LOXL2: variants seen among roughly 807,000 people sequenced by gnomAD.
LOXL2 encodes the protein lysyl oxidase homolog 2.
LOXL2 carries 70 observed loss-of-function variants against 93.0 expected under a neutral mutation model. The observed-to-expected ratio is 0.75, with a 90% CI of 0.62 to 0.92. LOXL2 has a LOEUF of 0.92. Among genes scored for constraint, LOXL2 ranks in the 40% least tolerant of loss-of-function variants. The pLI is 0.00. For missense variants in LOXL2, 973 were observed against 1,054.9 expected, an observed-to-expected ratio of 0.92 and a Z score of 1.08; for synonymous variants, 438 against 413.2, an observed-to-expected ratio of 1.06 and a Z score of -0.73.
intron 6 of LOXL2, among the ~76,000 whole-genome samples, chr8:23,324,752 T>G (rs1421011837): frequency 6.6e-6 from 1 of 152,180 alleles, no homozygotes; most frequent in Non-Finnish European, 1.5e-5. Flanking sequence ...TAGAGCAGTG[T>G]TACGGCTTCC....
At chr8:23,314,983 C>T (rs879622960) in intron 9 of LOXL2, among the ~76,000 whole-genome samples, 7 of 152,162 alleles carry the variant, frequency 4.6e-5, no homozygotes, top group Non-Finnish European at 5.9e-5. Flanking sequence ...GGCTGGACAA[C>T]ACAAGCCCCG....
chr8:23,340,922 G>A, intron 4 of LOXL2, 70 bp downstream of exon 4: 1 of 1,386,242 alleles, frequency 7.2e-7, no homozygotes, highest in South Asian at 1.2e-5. Flanking sequence ...CACCACCAGG[G>A]CGGACACTTT....
At chr8:23,303,248 T>G (rs1213419275) in intron 11 of LOXL2, 34 bp downstream of exon 11, 7 of 1,355,932 alleles carry the variant, frequency 5.2e-6, no homozygotes, top group Non-Finnish European at 7.4e-6. Context: ...CGAGTCCCTC[T>G]GAGGCCTCCC....
intron 5 of LOXL2, chr8:23,329,049 A>G (rs1453994899): frequency 5.9e-6 from 1 of 170,308 alleles, no homozygotes; most frequent in African/African-American, 2.4e-5. Context: ...GTTTGGATCA[A>G]CCTTGCTTAT....
At chr8:23,301,151 A>G (rs969901922) in intron 12 of LOXL2, among the ~76,000 whole-genome samples, 2 of 152,242 alleles carry the variant, frequency 1.3e-5, no homozygotes, top group Middle Eastern at 3.2e-3. Context: ...TCAAGGTGGA[A>G]TGACACATTT....
chr8:23,386,611 C>T (rs1804764459), intron 1 of LOXL2, among the ~76,000 whole-genome samples: 1 of 152,110 alleles, frequency 6.6e-6, no homozygotes, highest in Non-Finnish European at 1.5e-5. Context: ...GGAGATACCA[C>T]AGTGGGGAGA....
intron 3 of LOXL2, among the ~76,000 whole-genome samples, chr8:23,348,175 A>G (rs1457983765): frequency 6.8e-6 from 1 of 147,760 alleles, no homozygotes; most frequent in Non-Finnish European, 1.5e-5. Context: ...CAAACACCGC[A>G]TGTTCTCACG....
intron 1 of LOXL2, among the ~76,000 whole-genome samples, chr8:23,391,267 T>A (rs1804840039): frequency 1.3e-5 from 2 of 152,148 alleles, no homozygotes; most frequent in African/African-American, 4.8e-5. Context: ...ACAAGAGACA[T>A]GGTTTGACTA....
chr8:23,403,512 A>G lies in LOXL2; in HGVS notation c.-84+442T>C, dbSNP rs186274253. ...CAGCACGCTCTACATCCCCAAAACC[A>G]CAGCCCCGAGGGCAGTCACTGTCTC... On this transcript the variant is annotated intron_variant, in intron 1 of 13. Coordinates refer to ENST00000389131, the MANE Select transcript of LOXL2 (RefSeq NM_002318.3). 1.3e-4 allele frequency among the ~76,000 whole-genome samples: 19 copies of G among 151,538 alleles called. 1 individual carries two copies. In the East Asian group the frequency reaches 3.3e-3, roughly 27 times the overall value.
At chr8:23,329,277 G>A (rs572948085) in intron 5 of LOXL2, among the ~76,000 whole-genome samples, 1 of 152,288 alleles carries the variant, frequency 6.6e-6, no homozygotes, top group East Asian at 1.9e-4. Context: ...CCCTCAATTT[G>A]ACTCCAAGTC....
chr8:23,394,396 G>GA (rs1159727066), intron 1 of LOXL2, among the ~76,000 whole-genome samples: 17,550 of 64,220 alleles, frequency 0.27, 1,769 homozygotes, highest in East Asian at 0.36. Flanking sequence ...CTGTCTCAGA[G>GA]AAAAAAAAAA....
At chr8:23,349,719 C>A (rs1331368279) in intron 3 of LOXL2, among the ~76,000 whole-genome samples, 5 of 152,012 alleles carry the variant, frequency 3.3e-5, no homozygotes, top group Admixed American at 1.3e-4. Context: ...CCCCTAAGGG[C>A]AAAACTGTGC....
intron 7 of LOXL2, 94 bp downstream of exon 7, chr8:23,322,036 G>T: frequency 7.5e-7 from 1 of 1,341,222 alleles, no homozygotes; most frequent in Non-Finnish European, 1.0e-6. Flanking sequence ...ACTAGCAGCA[G>T]CACCTGGTCA....
Position 23,366,600 on chromosome 8 carries a change from C to T in LOXL2, c.355+1397G>A, listed in dbSNP as rs116450152. On this transcript the variant is annotated intron_variant, in intron 2 of 13. Coordinates refer to ENST00000389131, the MANE Select transcript of LOXL2 (RefSeq NM_002318.3). ...CTAGATTATGGTGGGTTGAGGTCTG[C>T]GCTATTCTGTACTTTTAAGCTCCCT... Among the ~76,000 whole-genome samples, 1,019 of 152,310 alleles carry T rather than the reference C, an allele frequency of 6.7e-3. 10 individuals carry two copies. The highest frequency in any genetic ancestry group is 0.023 in the African/African-American group (975 of 41,560).
At position 23,309,660 on chromosome 8, in the gene LOXL2, A is replaced by G. The variant is rs1803290406; in HGVS notation, c.1880+8T>C. ...AGCTTAGTGGGGAGGGTGGCCAGCCAGGCCTACCTGTGACAGTCGTGCCAG... is the reference window on the plus strand; with the variant it reads ...AGCTTAGTGGGGAGGGTGGCCAGCCGGGCCTACCTGTGACAGTCGTGCCAG... On this transcript the variant is annotated splice_region_variant and intron_variant, in intron 10 of 13. Coordinates refer to ENST00000389131, the MANE Select transcript of LOXL2 (RefSeq NM_002318.3). The G allele has an allele frequency of 7.0e-7, 1 of 1,428,564 alleles. No individual in the cohort carries two copies. The highest frequency in any genetic ancestry group is 1.5e-5 in the African/African-American group (1 of 68,832). 88.5% of individuals were successfully genotyped at this position (1,428,564 alleles called of 1,614,324 possible).
intron 6 of LOXL2, 46 bp downstream of exon 6, chr8:23,328,336 C>G: frequency 6.3e-7 from 1 of 1,597,192 alleles, no homozygotes. Flanking sequence ...CTCACGGCAC[C>G]ATGCTCCCAG....
chr8:23,316,936 G>A lies in LOXL2; in HGVS notation c.1636+13C>T, dbSNP rs370168554. The A allele has an allele frequency of 5.1e-6, 8 of 1,575,668 alleles. No individual in the cohort carries two copies. The African/African-American group carries it at 5.4e-5, about 11-fold the overall frequency. The stretch of plus-strand genomic sequence containing the variant: ...TTGGGAGCCCGGTGGGGAGGGAGGG[G>A]AGGAGCTCTCACTTTCTGAGCAGGC... On this transcript the variant is annotated intron_variant, in intron 9 of 13. Transcript: ENST00000389131.
In LOXL2 at chr8:23,328,519, C is replaced by A. The variant is rs780199200; in HGVS notation, c.1013G>T (p.Arg338Leu). The A allele has an allele frequency of 6.2e-7, 1 of 1,614,068 alleles. No homozygotes were observed. The highest frequency in any genetic ancestry group is 1.3e-5 in the African/African-American group (1 of 75,044). The change falls in exon 6 of 14, where the codon CGC (arginine) becomes CTC (leucine). Residue 338 changes from arginine (R) to leucine (L), a missense_variant. By Grantham distance (102) the Arg-to-Leu change is moderately radical (BLOSUM62 -2). Transcript: ENST00000389131. ...TTCTCCATTTTTGAGCACCTCCACG[C>A]GGCCCTCCCCGATGTAGGCACCGCC... ...LRGGAYIGEG[R>L]VEVLKNGEWG...
chr8:23,325,035 T>G (rs1442740025), intron 6 of LOXL2, among the ~76,000 whole-genome samples: 2 of 152,162 alleles, frequency 1.3e-5, no homozygotes, highest in African/African-American at 4.8e-5. Flanking sequence ...ATTGAGCACT[T>G]GAAATGTAGC....
Sources: gnomAD v4.1 joint callset for allele counts (sites outside exome capture counted in the v4.1 genomes callset) on GRCh38, gnomAD v4.1.1 for gene constraint, MANE v1.5 for transcripts, NCBI Gene and HGNC (gene_info 2026-07-23, HGNC 2026-07-21) for gene names.